The following PHACTR2 variants were observed in gnomAD, a reference collection of about 807,000 sequenced individuals.
PHACTR2 encodes chromosome 6 open reading frame 56.
In PHACTR2, 30 loss-of-function variants were observed where a neutral mutation model predicts 76.0. The observed-to-expected ratio is 0.39, with a 90% CI of 0.30 to 0.54. The LOEUF is 0.54. Among genes scored for constraint, PHACTR2 ranks in the 20% least tolerant of loss-of-function variants. PHACTR2 has a pLI of 0.61. For missense variants in PHACTR2, 696 were observed against 781.1 expected (o/e 0.89, Z 1.30); for synonymous variants, 292 against 292.5 (o/e 1.00, Z 0.02).
chr6:143,751,825 C>CACACACACACAA lies in PHACTR2; in HGVS notation c.296-1929_296-1928insACACACACACAA, dbSNP rs1779188674. On this transcript the variant is annotated intron_variant, in intron 3 of 12. Transcript: ENST00000440869. This position sits in a 1 kb window ranked among gnomAD's most constrained non-coding sequence, Gnocchi z 5.7. ...ACACACACACACACACACACACACA[C>CACACACACACAA]TATATCAAGGATTTAACTTATTTTA... Among the ~76,000 whole-genome samples the CACACACACACAA allele has an allele frequency of 6.6e-6, 1 of 150,922 alleles. No homozygotes were observed.
Position 143,596,357 on chromosome 6 carries a change from T to C in PHACTR2, c.217+59150T>C, listed in dbSNP as rs1209523676. ...CAGAAGGTTTATTTCTTGGTGGTGA[T>C]CTTGTTATTGAGGCTCACATTTACC... On this transcript the variant is annotated intron_variant, in intron 1 of 11. Transcript: ENST00000367584. The surrounding 1 kb of genome is among the most constrained non-coding windows in gnomAD (Gnocchi z 4.6). Among the ~76,000 whole-genome samples, 1 of 152,178 alleles carries C rather than the reference T, an allele frequency of 6.6e-6. No homozygotes were observed. Among genetic ancestry groups the C allele is most frequent in the Non-Finnish European group, 1.5e-5 (1 of 68,036 alleles).
intron 1 of PHACTR2, among the ~76,000 whole-genome samples, chr6:143,566,519 A>G (rs975550853): frequency 1.4e-5 from 2 of 147,574 alleles, no homozygotes; most frequent in Non-Finnish European, 3.0e-5. Flanking sequence ...GCCCAGGCTG[A>G]TGTTGAACTC....
rs974917788 is a variant in PHACTR2, at chr6:143,789,163, T to A, written c.1845+253T>A. 20 of 331,432 alleles carry A rather than the reference T, an allele frequency of 6.0e-5. No individual in the cohort carries two copies. The highest frequency in any genetic ancestry group is 1.1e-4 in the Non-Finnish European group (20 of 178,252). The allele number at this position is 331,432 out of a possible 1,614,324, so 20.5% of individuals were successfully genotyped here. On this transcript the variant is annotated intron_variant, in intron 11 of 12. Coordinates refer to ENST00000440869, the MANE Select transcript of PHACTR2 (RefSeq NM_001100164.2). The surrounding 1 kb of genome is among the most constrained non-coding windows in gnomAD (Gnocchi z 5.1). ...CTTTCATACCTGGATGAGGAGGGCT[T>A]TCTCACATCCAGGATTTATCCTTAC...
At chr6:143,813,399 C>A (rs1224487779) in intron 12 of PHACTR2, among the ~76,000 whole-genome samples, 1 of 152,104 alleles carries the variant, frequency 6.6e-6, no homozygotes, top group African/African-American at 2.4e-5. Flanking sequence ...GTCGGTGGAT[C>A]ACGAGGTCAG....
chr6:143,753,735 T>G lies in PHACTR2; in HGVS notation c.296-19T>G. 6.4e-7 allele frequency: 1 copy of G among 1,562,122 alleles called. No individual in the cohort carries two copies. The highest frequency in any genetic ancestry group is 8.7e-7 in the Non-Finnish European group (1 of 1,155,588). ...AAAGCCAGCAAGTTAGACATCTAGG[T>G]GTTTCTTTCCCATTTTAGATGGAGA... On this transcript the variant is annotated intron_variant, in intron 3 of 12. Coordinates refer to ENST00000440869, the MANE Select transcript of PHACTR2 (RefSeq NM_001100164.2). This position sits in a 1 kb window ranked among gnomAD's most constrained non-coding sequence, Gnocchi z 4.6.
At chr6:143,693,438 C>G (rs9496735) in intron 1 of PHACTR2, among the ~76,000 whole-genome samples, 2 of 151,870 alleles carry the variant, frequency 1.3e-5, no homozygotes, top group Non-Finnish European at 2.9e-5. Flanking sequence ...GGGTTTCGCC[C>G]TGTTGGCCAG....
intron 1 of PHACTR2, among the ~76,000 whole-genome samples, chr6:143,704,605 G>A (rs765582237): frequency 3.9e-5 from 6 of 152,150 alleles, no homozygotes; most frequent in Non-Finnish European, 7.4e-5. Flanking sequence ...TCTTATATCA[G>A]CATGATACAT....
rs1400465831 is a variant in PHACTR2, at chr6:143,739,473, T to G, written c.215-9512T>G. 6.6e-6 allele frequency among the ~76,000 whole-genome samples: 1 copy of G among 152,216 alleles called. No individual in the cohort carries two copies. The highest frequency in any genetic ancestry group is 1.5e-5 in the Non-Finnish European group (1 of 68,040). On this transcript the variant is annotated intron_variant, in intron 2 of 12. Coordinates refer to ENST00000440869, the MANE Select transcript of PHACTR2 (RefSeq NM_001100164.2). The surrounding 1 kb of genome is among the most constrained non-coding windows in gnomAD (Gnocchi z 4.3). ...ATTCGTATTTCAAACATTGGTCCCC[T>G]CTGTGGTGTCACTGTGTCTTAGGTT... is the stretch of plus-strand genomic sequence containing the variant.
At position 143,710,984 on chromosome 6, in the gene PHACTR2, C is replaced by T. The variant is rs901396017; in HGVS notation, c.47-1032C>T. 2.0e-6 allele frequency: 1 copy of T among 510,710 alleles called. No homozygotes were observed. Among genetic ancestry groups the T allele is most frequent in the African/African-American group, 1.9e-5 (1 of 51,786 alleles). The allele number at this position is 510,710 out of a possible 1,614,324, so 31.6% of individuals were successfully genotyped here. A position where few individuals can be genotyped will look rare whatever the true frequency, so the allele number is the denominator to read the frequency against. On this transcript the variant is annotated intron_variant, in intron 1 of 12. Coordinates refer to ENST00000440869, the MANE Select transcript of PHACTR2 (RefSeq NM_001100164.2). This position sits in a 1 kb window ranked among gnomAD's most constrained non-coding sequence, Gnocchi z 4.9. ...CATCAGTACACTTCACCTCTAAACA[C>T]TTCAGCATACATGTCATTAATTAGA...
intron 1 of PHACTR2, among the ~76,000 whole-genome samples, chr6:143,575,442 T>C (rs1201646009): frequency 6.6e-6 from 1 of 152,234 alleles, no homozygotes; most frequent in Non-Finnish European, 1.5e-5. Context: ...ATATTCTTGA[T>C]GATGAACTAT....
Position 143,592,492 on chromosome 6 carries a change from G to A in PHACTR2, c.217+55285G>A, listed in dbSNP as rs1775702268. Among the ~76,000 whole-genome samples, 1 of 152,098 alleles carries A rather than the reference G, an allele frequency of 6.6e-6. No homozygotes were observed. The highest frequency in any genetic ancestry group is 6.5e-5 in the Admixed American group (1 of 15,280). Reference sequence around the variant, plus strand: ...TTCCAAGATGTCCCAGTCACACTAGGACTTGTACTCCAGGGGGCGCTATTC... The same window carrying A: ...TTCCAAGATGTCCCAGTCACACTAGAACTTGTACTCCAGGGGGCGCTATTC... On this transcript the variant is annotated intron_variant, in intron 1 of 11. Coordinates refer to the PHACTR2 transcript ENST00000367584. The surrounding 1 kb of genome is among the most constrained non-coding windows in gnomAD (Gnocchi z 4.0).
At position 143,662,527 on chromosome 6, in the gene PHACTR2, T is replaced by C. The variant is rs1038577749; in HGVS notation, c.14-49489T>C. 3.3e-5 allele frequency among the ~76,000 whole-genome samples: 5 copies of C among 152,218 alleles called. No homozygotes were observed. The highest frequency in any genetic ancestry group is 7.3e-5 in the Non-Finnish European group (5 of 68,028). On this transcript the variant is annotated intron_variant, in intron 1 of 11. Transcript: ENST00000305766. The surrounding 1 kb of genome is among the most constrained non-coding windows in gnomAD (Gnocchi z 4.7). ...AAGTAGTGGGTAGGAGTTCTTCATC[T>C]GTTTTTAGTTATAAAATGCTGAACT... is the stretch of plus-strand genomic sequence containing the variant.
intron 1 of PHACTR2, among the ~76,000 whole-genome samples, chr6:143,642,523 T>C (rs1353429005): frequency 2.6e-5 from 4 of 152,220 alleles, no homozygotes; most frequent in African/African-American, 9.6e-5. Flanking sequence ...GCCGTGTCCC[T>C]ACAGCCTTGC....
chr6:143,603,674 C>T (rs944799166), upstream of PHACTR2, among the ~76,000 whole-genome samples: 3 of 152,182 alleles, frequency 2.0e-5, no homozygotes, highest in African/African-American at 7.2e-5. Flanking sequence ...AAAACTTTCT[C>T]CTATCAACTG....
intron 2 of PHACTR2, among the ~76,000 whole-genome samples, chr6:143,727,517 G>T (rs936575028): frequency 1.3e-5 from 2 of 151,728 alleles, no homozygotes; most frequent in African/African-American, 4.8e-5. Flanking sequence ...TCTATTTTTA[G>T]TTTTTTTGAG....
intron 1 of PHACTR2, among the ~76,000 whole-genome samples, chr6:143,681,674 A>T (rs1303784816): frequency 2.6e-5 from 4 of 152,224 alleles, no homozygotes; most frequent in African/African-American, 9.7e-5. Context: ...CCAAGGCAAG[A>T]AGACTTACAC....
chr6:143,678,195 C>A lies in PHACTR2; in HGVS notation c.32C>A (p.Pro11Gln). The A allele has an allele frequency of 2.0e-6, 3 of 1,537,524 alleles. No homozygotes were observed. The highest frequency in any genetic ancestry group is 2.6e-6 in the Non-Finnish European group (3 of 1,141,416). Residue 11 changes from proline (P) to glutamine (Q), a missense_variant, in exon 1 of 13, where the codon CCG (proline) becomes CAG (glutamine). Physicochemically the swap from Pro to Gln is moderately conservative, Grantham distance 76. Around this residue, in one of 2 missense-constraint regions of PHACTR2, gnomAD observed 460 missense variants for 450.9 expected, o/e 1.02. Coordinates refer to ENST00000440869, the MANE Select transcript of PHACTR2 (RefSeq NM_001100164.2). This position sits in a 1 kb window ranked among gnomAD's most constrained non-coding sequence, Gnocchi z 6.2. The stretch of plus-strand genomic sequence containing the variant: ...CAGACCTCGGTGTCCACGCTGTCCC[C>A]GCAGCCCGGCAGCGGTGAGTCCGGG... MGQTSVSTLSPQPGSVDGLDK... is the reference protein window; with the variant it reads MGQTSVSTLSQQPGSVDGLDK...
chr6:143,573,424 T>C (rs959483511), intron 1 of PHACTR2, among the ~76,000 whole-genome samples: 46 of 152,174 alleles, frequency 3.0e-4, no homozygotes, highest in Admixed American at 1.3e-3. Context: ...TGCTACATTA[T>C]TATGTTTGTC....
At chr6:143,640,859 A>G (rs1289546840) in intron 1 of PHACTR2, among the ~76,000 whole-genome samples, 3 of 152,208 alleles carry the variant, frequency 2.0e-5, no homozygotes, top group Non-Finnish European at 4.4e-5. Flanking sequence ...TTAAGATGAG[A>G]TACTCCTGGA....
Sources: gnomAD v4.1 joint callset for allele counts (sites outside exome capture counted in the v4.1 genomes callset) on GRCh38, gnomAD v4.1.1 for gene constraint, gnomAD v4.1.1 regional missense constraint, Gnocchi (gnomAD v3.1) non-coding constraint, MANE v1.5 for transcripts, NCBI Gene and HGNC (gene_info 2026-07-23, HGNC 2026-07-21) for gene names.